TBC1D22A: variants seen among roughly 807,000 people sequenced by gnomAD.
TBC1D22A encodes TBC1 domain family member 22A.
TBC1D22A carries 38 observed loss-of-function variants against 60.2 expected under a neutral mutation model. The observed-to-expected ratio is 0.63, with a 90% confidence interval of 0.49 to 0.83. The LOEUF is 0.83. TBC1D22A is among the 40% of genes least tolerant of loss of function. The probability of loss-of-function intolerance (pLI) is 0.00; values close to 1 mark genes in which losing one functional copy is unlikely to be tolerated. For synonymous variants in TBC1D22A, 302 were observed against 281.7 expected (o/e 1.07, Z -0.72); for missense variants, 628 against 701.0 (o/e 0.90, Z 1.18).
chr22:46,912,295 A>G (rs1463811261), intron 8 of TBC1D22A, 107 bp downstream of exon 8: 1 of 738,122 alleles, frequency 1.4e-6, no homozygotes, highest in South Asian at 2.1e-5. Flanking sequence ...AATGTTATTA[A>G]TGATAGGTAA....
intron 1 of TBC1D22A, among the ~76,000 whole-genome samples, chr22:46,765,539 C>T (rs922433314): frequency 2.6e-5 from 4 of 151,978 alleles, no homozygotes; most frequent in African/African-American, 9.7e-5. Flanking sequence ...GATCTTGGCT[C>T]ACTGCAACCT....
intron 4 of TBC1D22A, among the ~76,000 whole-genome samples, chr22:46,802,772 G>C (rs2084951646): frequency 6.6e-6 from 1 of 151,970 alleles, no homozygotes; most frequent in Admixed American, 6.5e-5. Flanking sequence ...TCCTTGGGCA[G>C]CTCATGGGAG....
chr22:46,882,110 C>A (rs1236668363), intron 5 of TBC1D22A, among the ~76,000 whole-genome samples: 1 of 152,210 alleles, frequency 6.6e-6, no homozygotes, highest in Non-Finnish European at 1.5e-5. Context: ...AAGGTTTAAA[C>A]CTGGCTTCCC....
intron 8 of TBC1D22A, chr22:46,915,020 A>G (rs1031520475): frequency 4.4e-5 from 10 of 229,840 alleles, no homozygotes; most frequent in Admixed American, 1.0e-4. Context: ...CAGAGAGGGC[A>G]GCAGAAGGGC....
At chr22:46,982,226 CTT>C (rs750713030) in intron 9 of TBC1D22A, among the ~76,000 whole-genome samples, 34 of 138,552 alleles carry the variant, frequency 2.5e-4, no homozygotes, top group Admixed American at 3.6e-4. Flanking sequence ...AAGAGACAGT[CTT>C]TTTTTTTTTT....
intron 8 of TBC1D22A, among the ~76,000 whole-genome samples, chr22:46,932,157 C>T: frequency 6.6e-6 from 1 of 152,170 alleles, no homozygotes; most frequent in East Asian, 1.9e-4. Context: ...TGACTAGTGG[C>T]GGGTTCACCG....
At chr22:46,919,594 T>C (rs1373059218) in intron 8 of TBC1D22A, among the ~76,000 whole-genome samples, 1 of 152,190 alleles carries the variant, frequency 6.6e-6, no homozygotes, top group Non-Finnish European at 1.5e-5. Context: ...TGTTTAACCT[T>C]TTGAGGACCT....
At chr22:46,896,090 C>G (rs8137983) in intron 7 of TBC1D22A, among the ~76,000 whole-genome samples, 1 of 152,186 alleles carries the variant, frequency 6.6e-6, no homozygotes, top group East Asian at 1.9e-4. Flanking sequence ...TTGCAGTCCT[C>G]ACGTTTGTTT....
Position 46,846,301 on chromosome 22 carries a change from C to CTTGGATTTGT in TBC1D22A, c.638-32351_638-32350insTGGATTTGTT, listed in dbSNP as rs1336290782. On this transcript the variant is annotated intron_variant, in intron 4 of 12. Coordinates refer to ENST00000337137, the MANE Select transcript of TBC1D22A (RefSeq NM_014346.5). ...TGAGTTGGATTTGTTGCTAGCAGCA[C>CTTGGATTTGT]TGATCCATTTGTATGTATGTTTGTC... 2.6e-3 allele frequency among the ~76,000 whole-genome samples: 401 copies of CTTGGATTTGT among 152,326 alleles called. 4 individuals carry two copies. Among genetic ancestry groups the CTTGGATTTGT allele is most frequent in the Non-Finnish European group, 1.7e-3 (118 of 68,032 alleles).
intron 8 of TBC1D22A, among the ~76,000 whole-genome samples, chr22:46,922,715 T>C (rs1178958353): frequency 1.3e-5 from 2 of 152,216 alleles, no homozygotes; most frequent in African/African-American, 4.8e-5. Context: ...GATTGCATTC[T>C]TGATTTGGCT....
intron 11 of TBC1D22A, among the ~76,000 whole-genome samples, chr22:47,097,987 G>C (rs1316892339): frequency 6.6e-6 from 1 of 151,972 alleles, no homozygotes; most frequent in Non-Finnish European, 1.5e-5. Context: ...CCCTGCTACT[G>C]TGCAGCTGTC....
intron 11 of TBC1D22A, among the ~76,000 whole-genome samples, chr22:47,091,392 A>ACGAGAAGT (rs1373464851): frequency 4.9e-5 from 7 of 141,472 alleles, no homozygotes; most frequent in Non-Finnish European, 1.1e-4. Context: ...AGAGACAGGC[A>ACGAGAAGT]CGAGAAGTCG....
chr22:47,151,712 C>T (rs1181828208), intron 12 of TBC1D22A, among the ~76,000 whole-genome samples: 2 of 152,208 alleles, frequency 1.3e-5, no homozygotes, highest in African/African-American at 4.8e-5. Context: ...CCTGTGTGGT[C>T]ACCAGTGACC....
intron 11 of TBC1D22A, among the ~76,000 whole-genome samples, chr22:47,086,239 C>T (rs769956774): frequency 3.3e-5 from 5 of 152,026 alleles, no homozygotes; most frequent in Admixed American, 2.0e-4. Flanking sequence ...CTGAGGTGGG[C>T]GGATCATCTG....
At chr22:47,148,892 C>T (rs1199237878) in intron 12 of TBC1D22A, among the ~76,000 whole-genome samples, 5 of 152,192 alleles carry the variant, frequency 3.3e-5, no homozygotes, top group African/African-American at 1.2e-4. Context: ...GCTGTGCTCC[C>T]GCCTAGCCAC....
intron 11 of TBC1D22A, among the ~76,000 whole-genome samples, chr22:47,102,481 C>T (rs1030980365): frequency 6.6e-6 from 1 of 152,240 alleles, no homozygotes; most frequent in Non-Finnish European, 1.5e-5. Context: ...TGTTTTCCCA[C>T]TGAGTGCTGG....
At chr22:46,804,229 T>C (rs1160527697) in intron 4 of TBC1D22A, among the ~76,000 whole-genome samples, 2 of 152,264 alleles carry the variant, frequency 1.3e-5, no homozygotes, top group Non-Finnish European at 2.9e-5. Flanking sequence ...TTTGCCCGTG[T>C]GTTCCCACTT....
chr22:47,099,972 G>C lies in TBC1D22A; in HGVS notation c.1330-11536G>C, dbSNP rs181046987. ...TGAGGGCCTCGAGCACCAGAGAAAC[G>C]AGGTGGGGCGGCCTGGGGCTGTGTG... On this transcript the variant is annotated intron_variant, in intron 11 of 12. Transcript: ENST00000337137. Among the ~76,000 whole-genome samples, 6 of 152,338 alleles carry C rather than the reference G, an allele frequency of 3.9e-5. No homozygotes were observed. The East Asian group carries it at 1.2e-3, about 29-fold the overall frequency.
chr22:46,909,038 GT>G (rs2147761838), intron 7 of TBC1D22A, among the ~76,000 whole-genome samples: 1 of 152,328 alleles, frequency 6.6e-6, no homozygotes, highest in South Asian at 2.1e-4. Context: ...CCGGGAGCTT[GT>G]TGTGCCGAGA....
Sources: gnomAD v4.1 joint callset for allele counts (sites outside exome capture counted in the v4.1 genomes callset) on GRCh38, gnomAD v4.1.1 for gene constraint, MANE v1.5 for transcripts, NCBI Gene and HGNC (gene_info 2026-07-23, HGNC 2026-07-21) for gene names.